Variants in DYNC1H1 observed in about 807,000 individuals in gnomAD.
DYNC1H1 encodes the protein cytoplasmic dynein 1 heavy chain 1.
DYNC1H1 carries 51 observed loss-of-function variants against 527.1 expected under a neutral mutation model. The observed-to-expected ratio is 0.10, with a 90% confidence interval of 0.08 to 0.12. The LOEUF (loss-of-function observed/expected upper bound fraction) is 0.12. Ranked by LOEUF, DYNC1H1 falls within the 10% of genes least tolerant of loss-of-function variation. The pLI, the probability that DYNC1H1 is intolerant of heterozygous loss-of-function variation, is 1.00. For synonymous variants in DYNC1H1, 2,189 were observed against 2,278.8 expected, an observed-to-expected ratio of 0.96 and a Z score of 1.12; for missense variants, 2,771 against 5,971.8, an observed-to-expected ratio of 0.46 and a Z score of 17.66.
At chr14:102,024,385 A>G (rs2048424636) in intron 43 of DYNC1H1, among the ~76,000 whole-genome samples, 1 of 152,194 alleles carries the variant, frequency 6.6e-6, no homozygotes. Context: ...CTCCCACTCC[A>G]GTGGAGGAAA....
At chr14:102,034,828 A>G in intron 56 of DYNC1H1, 2 of 347,342 alleles carry the variant, frequency 5.8e-6, no homozygotes, top group South Asian at 4.8e-5. Context: ...CAGGAGGCTG[A>G]GACAGGAAAA....
chr14:102,007,917 G>A (rs578047770), intron 28 of DYNC1H1, among the ~76,000 whole-genome samples: 10 of 152,322 alleles, frequency 6.6e-5, no homozygotes, highest in South Asian at 4.1e-4. Flanking sequence ...CTATTTTGTC[G>A]CCACAAGGCC....
Position 102,039,812 on chromosome 14 carries a change from T to C in DYNC1H1, c.11690+80T>C, listed in dbSNP as rs1382153933. On this transcript the variant is annotated intron_variant, in intron 62 of 77. Transcript: ENST00000360184. The surrounding 1 kb of genome is among the most constrained non-coding windows in gnomAD (Gnocchi z 7.0). ...TTTCATGATCAGATACATGCTTTTA[T>C]TATTTCTTTTATTTTCTCTTTTATT... is the stretch of plus-strand genomic sequence containing the variant. 2 of 1,418,516 alleles carry C rather than the reference T, an allele frequency of 1.4e-6. No homozygotes were observed. Among genetic ancestry groups the C allele is most frequent in the Non-Finnish European group, 9.8e-7 (1 of 1,021,138 alleles). The allele number at this position is 1,418,516 out of a possible 1,614,324, so 87.9% of individuals were successfully genotyped here.
At position 102,044,888 on chromosome 14, in the gene DYNC1H1, C is replaced by G. The variant is rs17512898; in HGVS notation, c.13006+190C>G. 1 of 644,036 alleles carries G rather than the reference C, an allele frequency of 1.6e-6. No individual in the cohort carries two copies. The highest frequency in any genetic ancestry group is 2.7e-6 in the Non-Finnish European group (1 of 369,500). 39.9% of individuals were successfully genotyped at this position (644,036 alleles called of 1,614,324 possible). On this transcript the variant is annotated intron_variant, in intron 72 of 77. Coordinates refer to ENST00000360184, the MANE Select transcript of DYNC1H1 (RefSeq NM_001376.5). The surrounding 1 kb of genome is among the most constrained non-coding windows in gnomAD (Gnocchi z 7.1). ...TCTCCAGCTGCTCCTAGCTCCACTC[C>G]GAGGGGAGGCAGAGGAAAGAACTGG... is the stretch of plus-strand genomic sequence containing the variant.
At chr14:102,048,071 G>A in intron 73 of DYNC1H1, 43 bp downstream of exon 73, 1 of 1,580,314 alleles carries the variant, frequency 6.3e-7, no homozygotes, top group Non-Finnish European at 8.6e-7. Context: ...CAAGGTCCCA[G>A]GTGCTGGGTA....
intron 56 of DYNC1H1, 121 bp downstream of exon 56, chr14:102,034,573 T>G (rs1273720021): frequency 3.3e-6 from 5 of 1,529,806 alleles, no homozygotes; most frequent in Non-Finnish European, 4.5e-6. Context: ...CATACAGTGC[T>G]GGCAGCTTGG....
At chr14:102,048,351 TCA>T in intron 73 of DYNC1H1, 163 bp from the exon 74 acceptor site, 1 of 986,534 alleles carries the variant, frequency 1.0e-6, no homozygotes, top group Non-Finnish European at 1.5e-6. Context: ...AGCCTCAGCT[TCA>T]CACAAGCTCG....
rs2047833174 is a variant in DYNC1H1, at chr14:101,979,027, T to TA, written c.345-291dup. ...AGTACAGTAAATAAATGTTACACATTAGTGTAAGATCAGATTTAAGTACTA... is the reference window on the plus strand; with the variant it reads ...AGTACAGTAAATAAATGTTACACATTAAGTGTAAGATCAGATTTAAGTACTA... On this transcript the variant is annotated intron_variant, in intron 2 of 77. Transcript: ENST00000360184. The surrounding 1 kb of genome is among the most constrained non-coding windows in gnomAD (Gnocchi z 4.6). Among the ~76,000 whole-genome samples the TA allele has an allele frequency of 6.6e-6, 1 of 152,226 alleles. No homozygotes were observed. Among genetic ancestry groups the TA allele is most frequent in the Admixed American group, 6.5e-5 (1 of 15,276 alleles).
Position 102,042,871 on chromosome 14 carries a change from T to C in DYNC1H1, c.12513+123T>C. 1 of 1,164,568 alleles carries C rather than the reference T, an allele frequency of 8.6e-7. No individual in the cohort carries two copies. Among genetic ancestry groups the C allele is most frequent in the Non-Finnish European group, 1.2e-6 (1 of 800,110 alleles). The allele number at this position is 1,164,568 out of a possible 1,614,324, so 72.1% of individuals were successfully genotyped here. On this transcript the variant is annotated intron_variant, in intron 69 of 77. Coordinates refer to ENST00000360184, the MANE Select transcript of DYNC1H1 (RefSeq NM_001376.5). This position sits in a 1 kb window ranked among gnomAD's most constrained non-coding sequence, Gnocchi z 5.7. ...CGTGTGGTGAACTGCACAGCTGCTT[T>C]TGCTTTTCAGCTGTAGGTAAAATTT... is the stretch of plus-strand genomic sequence containing the variant.
rs565247634 is a variant in DYNC1H1 at position 102,049,722 on chromosome 14, C to T, written c.13524C>T (p.His4508=). 5.6e-6 allele frequency: 9 copies of T among 1,613,926 alleles called. No individual in the cohort carries two copies. Among genetic ancestry groups the T allele is most frequent in the Admixed American group, 3.3e-5 (2 of 60,026 alleles). The part of the protein sequence containing the change: ...SGGAKELKNI[H]VCLGGLFVPE... ...GCTGCTGCTTTCCACAGAACATCCA[C>T]GTGTGCCTGGGTGGCCTGTTCGTGC... Residue 4508 remains histidine, a synonymous_variant, in exon 76 of 78, where the codon CAC becomes CAT. Transcript: ENST00000360184. This position sits in a 1 kb window ranked among gnomAD's most constrained non-coding sequence, Gnocchi z 5.5.
Position 102,017,237 on chromosome 14 carries a change from C to T in DYNC1H1, c.7998C>T (p.Ile2666=), listed in dbSNP as rs1470317795. ...GGCTGGTGTTGTTCTGTGATGAAATCAACTTGCCAGATATGGATAAATATG... is the reference window on the plus strand; with the variant it reads ...GGCTGGTGTTGTTCTGTGATGAAATTAACTTGCCAGATATGGATAAATATG... ...GKWLVLFCDE[I]NLPDMDKYGT... is the part of the protein sequence containing the mutation. Residue 2666 remains isoleucine (I), a synonymous_variant, in exon 39 of 78, where the codon ATC becomes ATT. Transcript: ENST00000360184. This position sits in a 1 kb window ranked among gnomAD's most constrained non-coding sequence, Gnocchi z 4.6. The T allele has an allele frequency of 4.3e-6, 7 of 1,614,108 alleles. No individual in the cohort carries two copies. In the East Asian group the frequency reaches 1.3e-4, roughly 31 times the overall value.
In DYNC1H1 at chr14:102,011,430, CTTG is replaced by C. The variant is rs1344696419; in HGVS notation, c.6619-440_6619-438del. ...AACACATAGCTCATCCATTGGGTCT[CTTG>C]TTGTCCTCGGCGGGATCTGATGTGT... is the stretch of plus-strand genomic sequence containing the variant. On this transcript the variant is annotated intron_variant, in intron 32 of 77. Coordinates refer to ENST00000360184, the MANE Select transcript of DYNC1H1 (RefSeq NM_001376.5). The surrounding 1 kb of genome is among the most constrained non-coding windows in gnomAD (Gnocchi z 5.3). 4 of 342,948 alleles carry C rather than the reference CTTG, an allele frequency of 1.2e-5. No homozygotes were observed. Among genetic ancestry groups the C allele is most frequent in the Non-Finnish European group, 2.2e-5 (4 of 177,818 alleles). 21.2% of individuals were successfully genotyped at this position (342,948 alleles called of 1,614,324 possible). A position where few individuals can be genotyped will look rare whatever the true frequency, so the allele number is the denominator to read the frequency against.
chr14:102,011,190 T>C lies in DYNC1H1; in HGVS notation c.6618+238T>C, dbSNP rs2048254902. ...GATACAGTTCAATTTCTGAAAATGC[T>C]AAGTGCATGACTATATTGGAAAGTT... On this transcript the variant is annotated intron_variant, in intron 32 of 77. Coordinates refer to ENST00000360184, the MANE Select transcript of DYNC1H1 (RefSeq NM_001376.5). The surrounding 1 kb of genome is among the most constrained non-coding windows in gnomAD (Gnocchi z 5.3). The C allele has an allele frequency of 1.8e-6, 1 of 567,572 alleles. No individual in the cohort carries two copies. Among genetic ancestry groups the C allele is most frequent in the Non-Finnish European group, 3.2e-6 (1 of 315,210 alleles). The allele number at this position is 567,572 out of a possible 1,614,324, so 35.2% of individuals were successfully genotyped here. A position where few individuals can be genotyped will look rare whatever the true frequency, so the allele number is the denominator to read the frequency against.
chr14:102,000,572 CCT>C, intron 18 of DYNC1H1, 173 bp downstream of exon 18: 1 of 608,478 alleles, frequency 1.6e-6, no homozygotes, highest in Non-Finnish European at 2.7e-6. Flanking sequence ...TATTTTGAAA[CCT>C]TTTTTTTTTT....
At position 102,049,151 on chromosome 14, in the gene DYNC1H1, A is replaced by G. The variant is rs189692564; in HGVS notation, c.13373-289A>G. Reference sequence around the variant, plus strand: ...AGCCACTTGTGTGACATGAGGTTTTAGCCGCGGTTTTGCTTGGATGTGATT... The same window carrying G: ...AGCCACTTGTGTGACATGAGGTTTTGGCCGCGGTTTTGCTTGGATGTGATT... On this transcript the variant is annotated intron_variant, in intron 74 of 77. Coordinates refer to ENST00000360184, the MANE Select transcript of DYNC1H1 (RefSeq NM_001376.5). This position sits in a 1 kb window ranked among gnomAD's most constrained non-coding sequence, Gnocchi z 5.5. 9.6e-4 allele frequency: 472 copies of G among 490,850 alleles called. No individual in the cohort carries two copies. The Middle Eastern group carries it at 0.017, about 17-fold the overall frequency. 30.4% of individuals were successfully genotyped at this position (490,850 alleles called of 1,614,324 possible).
chr14:102,024,510 C>T (rs2152587464), intron 43 of DYNC1H1, among the ~76,000 whole-genome samples: 1 of 152,220 alleles, frequency 6.6e-6, no homozygotes, highest in South Asian at 2.1e-4. Context: ...GTTCAGCTTT[C>T]TCCAGAAAGG....
chr14:102,026,323 T>C (rs1031310806), intron 43 of DYNC1H1, among the ~76,000 whole-genome samples: 1 of 152,214 alleles, frequency 6.6e-6, no homozygotes, highest in African/African-American at 2.4e-5. Context: ...TCCTCCATGA[T>C]CATGGTATGT....
At position 102,041,827 on chromosome 14, in the gene DYNC1H1, C is replaced by G. The variant is rs953279487; in HGVS notation, c.12102+93C>G. 47 of 1,589,600 alleles carry G rather than the reference C, an allele frequency of 3.0e-5. No homozygotes were observed. Among genetic ancestry groups the G allele is most frequent in the Non-Finnish European group, 3.6e-5 (42 of 1,165,308 alleles). ...GCAGCCCTGGCATCTGCTCTCACTCCGGGCTACAGTCTCCTCCTAAGACCA... is the reference window on the plus strand; with the variant it reads ...GCAGCCCTGGCATCTGCTCTCACTCGGGGCTACAGTCTCCTCCTAAGACCA... On this transcript the variant is annotated intron_variant, in intron 65 of 77. Coordinates refer to ENST00000360184, the MANE Select transcript of DYNC1H1 (RefSeq NM_001376.5). This position sits in a 1 kb window ranked among gnomAD's most constrained non-coding sequence, Gnocchi z 4.5.
At chr14:102,035,717 C>G (rs2048566548) in intron 56 of DYNC1H1, 2 of 152,388 alleles carry the variant, frequency 1.3e-5, no homozygotes. Context: ...TAGAGGCCTC[C>G]CACGAGGCCA....
Sources: allele counts gnomAD v4.1 joint callset (sites outside exome capture counted in the v4.1 genomes callset), GRCh38; gene constraint gnomAD v4.1.1; non-coding constraint Gnocchi (gnomAD v3.1); transcripts MANE v1.5; gene names NCBI Gene and HGNC (gene_info 2026-07-23, HGNC 2026-07-21).